Variants in MAPKAP1 observed in about 807,000 individuals in gnomAD.
The protein encoded by MAPKAP1 is MAPK associated protein 1.
Under a neutral mutation model 65.7 loss-of-function variants are expected in MAPKAP1, and 20 were observed. The observed-to-expected ratio is 0.30, with a 90% CI of 0.21 to 0.44. The LOEUF is 0.44. MAPKAP1 is among the 20% of genes least tolerant of loss of function. The pLI, the probability that MAPKAP1 is intolerant of heterozygous loss-of-function variation, is 1.00. For missense variants in MAPKAP1, 423 were observed against 648.0 expected (o/e 0.65, Z 3.77); for synonymous variants, 222 against 244.3 (o/e 0.91, Z 0.85).
intron 10 of MAPKAP1, among the ~76,000 whole-genome samples, chr9:125,454,541 T>C (rs576656014): frequency 2.0e-5 from 3 of 152,282 alleles, no homozygotes; most frequent in South Asian, 2.1e-4. Context: ...GAAAAGAAAA[T>C]ACTGTTTTAT....
rs549384100 is a variant in MAPKAP1 at position 125,554,089 on chromosome 9, G to A, written c.848+5544C>T. Among the ~76,000 whole-genome samples, 18 of 152,314 alleles carry A rather than the reference G, an allele frequency of 1.2e-4. No homozygotes were observed. In the South Asian group the frequency reaches 3.7e-3, roughly 32 times the overall value. ...AACGTGGCGAGATTTGGGGGGTTAT[G>A]TGTTCCAGCAGCTAGAGTTATTTAA... On this transcript the variant is annotated intron_variant, in intron 6 of 11. Coordinates refer to ENST00000265960, the MANE Select transcript of MAPKAP1 (RefSeq NM_001006617.3).
chr9:125,612,690 A>G (rs1312129888), intron 4 of MAPKAP1, among the ~76,000 whole-genome samples: 1 of 152,186 alleles, frequency 6.6e-6, no homozygotes, highest in Non-Finnish European at 1.5e-5. Flanking sequence ...AGAGATCCTG[A>G]TTCCCAAAGG....
chr9:125,489,629 G>A (rs1380910521), intron 8 of MAPKAP1, among the ~76,000 whole-genome samples: 9 of 151,996 alleles, frequency 5.9e-5, no homozygotes, highest in African/African-American at 1.7e-4. Flanking sequence ...CTTAAGTCTC[G>A]GGAATACAAA....
intron 4 of MAPKAP1, among the ~76,000 whole-genome samples, chr9:125,643,208 T>G (rs1464875373): frequency 3.3e-5 from 5 of 150,248 alleles, no homozygotes; most frequent in African/African-American, 4.9e-5. Flanking sequence ...CGTTTTTTTT[T>G]TGGGGGGAGG....
At chr9:125,497,865 A>G (rs534035713) in intron 8 of MAPKAP1, among the ~76,000 whole-genome samples, 17 of 152,374 alleles carry the variant, frequency 1.1e-4, no homozygotes, top group Admixed American at 1.1e-3. Context: ...TGTGGAAAGA[A>G]TAAGTTGGTT....
intron 1 of MAPKAP1, among the ~76,000 whole-genome samples, chr9:125,698,285 ATAAATATAT>A (rs1835457271): frequency 3.9e-5 from 1 of 25,808 alleles, no homozygotes; most frequent in African/African-American, 3.4e-4. Flanking sequence ...CATAATATAT[ATAAATATAT>A]ATATATATAT....
chr9:125,590,725 G>C lies in MAPKAP1; in HGVS notation c.499-4998C>G, dbSNP rs573916817. The stretch of plus-strand genomic sequence containing the variant: ...GTTAAGTAAACTCTGCTAAATGTTT[G>C]CCTAATTATATCATTTAATTCATAC... On this transcript the variant is annotated intron_variant, in intron 4 of 11. Coordinates refer to ENST00000265960, the MANE Select transcript of MAPKAP1 (RefSeq NM_001006617.3). 2.6e-5 allele frequency among the ~76,000 whole-genome samples: 4 copies of C among 152,158 alleles called. No homozygotes were observed. The South Asian group carries it at 8.3e-4, about 32-fold the overall frequency.
At chr9:125,693,152 C>T (rs985539439) in intron 1 of MAPKAP1, among the ~76,000 whole-genome samples, 14 of 152,130 alleles carry the variant, frequency 9.2e-5, no homozygotes, top group Admixed American at 3.3e-4. Flanking sequence ...GTGGCTTACT[C>T]CTGTAATCCC....
At chr9:125,483,062 G>A (rs1854375137) in intron 9 of MAPKAP1, among the ~76,000 whole-genome samples, 1 of 152,168 alleles carries the variant, frequency 6.6e-6, no homozygotes, top group African/African-American at 2.4e-5. Flanking sequence ...TCCTGAGTGA[G>A]CCCTCTGAGC....
intron 6 of MAPKAP1, 94 bp from the exon 7 acceptor site, chr9:125,543,262 GTTGT>G (rs941552769): frequency 8.5e-6 from 8 of 937,566 alleles, no homozygotes; most frequent in South Asian, 1.4e-5. Flanking sequence ...TTTTTTTGTT[GTTGT>G]TTGTTTTGTT....
intron 4 of MAPKAP1, among the ~76,000 whole-genome samples, chr9:125,615,831 T>C (rs923457516): frequency 1.3e-5 from 2 of 151,504 alleles, no homozygotes; most frequent in African/African-American, 4.9e-5. Flanking sequence ...GAGAATCACT[T>C]GATGTTGCAG....
At chr9:125,521,884 G>T in intron 7 of MAPKAP1, 1 of 853,200 alleles carries the variant, frequency 1.2e-6, no homozygotes, top group Non-Finnish European at 1.9e-6. Context: ...AGAGCCAATT[G>T]TTTTCAGTCA....
intron 9 of MAPKAP1, among the ~76,000 whole-genome samples, chr9:125,474,064 G>A (rs891252510): frequency 2.6e-5 from 4 of 152,122 alleles, no homozygotes; most frequent in Admixed American, 2.6e-4. Context: ...GTCAGGCACT[G>A]GGTTAAGGAT....
intron 3 of MAPKAP1, among the ~76,000 whole-genome samples, chr9:125,667,275 A>T (rs953661354): frequency 5.3e-5 from 8 of 152,214 alleles, no homozygotes; most frequent in Non-Finnish European, 1.2e-4. Flanking sequence ...CTTACTTCTC[A>T]CATTGTAAAA....
intron 4 of MAPKAP1, among the ~76,000 whole-genome samples, chr9:125,591,831 AAAGTATTCATT>A (rs971547520): frequency 2.6e-5 from 4 of 152,366 alleles, no homozygotes; most frequent in African/African-American, 9.6e-5. Context: ...CGAAGGATTA[AAAGTATTCATT>A]ACACATCAAG....
intron 7 of MAPKAP1, among the ~76,000 whole-genome samples, chr9:125,514,881 A>C (rs911754554): frequency 6.6e-6 from 1 of 152,114 alleles, no homozygotes; most frequent in Admixed American, 6.5e-5. Context: ...CAAAGCCACT[A>C]CGCTGATGCC....
At chr9:125,567,033 A>G (rs2131526425) in intron 5 of MAPKAP1, among the ~76,000 whole-genome samples, 1 of 152,294 alleles carries the variant, frequency 6.6e-6, no homozygotes, top group African/African-American at 2.4e-5. Flanking sequence ...AGAGCACCAC[A>G]GTGCATCACG....
At chr9:125,499,222 CT>C (rs896344016) in intron 8 of MAPKAP1, among the ~76,000 whole-genome samples, 60 of 152,292 alleles carry the variant, frequency 3.9e-4, no homozygotes, top group African/African-American at 1.4e-3. Context: ...TCTACAATGG[CT>C]TTAAGGATAG....
intron 1 of MAPKAP1, among the ~76,000 whole-genome samples, chr9:125,693,606 CACAT>C: frequency 6.7e-6 from 1 of 148,970 alleles, no homozygotes; most frequent in Admixed American, 6.8e-5. Flanking sequence ...CACACACATA[CACAT>C]ATATACACAC....
Sources: gnomAD v4.1 joint callset for allele counts (sites outside exome capture counted in the v4.1 genomes callset) on GRCh38, gnomAD v4.1.1 for gene constraint, MANE v1.5 for transcripts, NCBI Gene and HGNC (gene_info 2026-07-23, HGNC 2026-07-21) for gene names.